The following NSMCE2 variants were observed in gnomAD, a reference collection of about 807,000 sequenced individuals.
NSMCE2 encodes NSE2 SUMO ligase component of SMC5/6 complex.
In NSMCE2, 24 loss-of-function variants were observed where a neutral mutation model predicts 23.8. That is an observed-to-expected ratio of 1.01 (90% CI 0.73 to 1.42). The LOEUF (loss-of-function observed/expected upper bound fraction) is 1.42, where lower values mean the gene tolerates loss of function less well. Among genes scored for constraint, NSMCE2 ranks in the 40% most tolerant of loss-of-function variants. NSMCE2 has a pLI of 0.00. For missense variants in NSMCE2, 284 were observed against 296.5 expected (o/e 0.96, Z 0.31); for synonymous variants, 92 against 94.1 (o/e 0.98, Z 0.13).
chr8:125,180,153 G>A (rs557633393), intron 4 of NSMCE2, among the ~76,000 whole-genome samples: 6 of 152,288 alleles, frequency 3.9e-5, no homozygotes, highest in African/African-American at 1.4e-4. Context: ...TAGAGGTAGA[G>A]GATAGCTAGT....
chr8:125,227,973 C>T (rs1825172489), intron 5 of NSMCE2, among the ~76,000 whole-genome samples: 1 of 151,918 alleles, frequency 6.6e-6, no homozygotes, highest in South Asian at 2.1e-4. Context: ...TGATTTATTC[C>T]TCTTTGAATC....
chr8:125,350,957 G>T (rs962154221), intron 5 of NSMCE2, among the ~76,000 whole-genome samples: 14 of 152,348 alleles, frequency 9.2e-5, no homozygotes, highest in Admixed American at 7.8e-4. Context: ...GCAGGCGGCA[G>T]TAGTGGTTTG....
rs557627373 is a variant in NSMCE2 at position 125,229,655 on chromosome 8, T to C, written c.418+47399T>C. On this transcript the variant is annotated intron_variant, in intron 5 of 7. Transcript: ENST00000287437. ...CTTATGTTCTAGATGAAATTCAGTC[T>C]TATTCTCAAAATAGAGTCTGGTTTC... Among the ~76,000 whole-genome samples, 214 of 152,332 alleles carry C rather than the reference T, an allele frequency of 1.4e-3. 1 individual carries two copies. The highest frequency in any genetic ancestry group is 5.0e-3 in the African/African-American group (209 of 41,590).
chr8:125,333,233 G>A (rs1486800897), intron 5 of NSMCE2, among the ~76,000 whole-genome samples: 1 of 151,576 alleles, frequency 6.6e-6, no homozygotes, highest in East Asian at 1.9e-4. Context: ...ACAGTGGCAC[G>A]ATCACGGCTC....
chr8:125,147,966 G>A (rs892218374), intron 3 of NSMCE2, among the ~76,000 whole-genome samples: 6 of 152,158 alleles, frequency 3.9e-5, no homozygotes, highest in Non-Finnish European at 5.9e-5. Flanking sequence ...AGTTCTCATC[G>A]TAGGTCTCTG....
At chr8:125,130,147 G>T in intron 3 of NSMCE2, 1 of 433,494 alleles carries the variant, frequency 2.3e-6, no homozygotes, top group Non-Finnish European at 4.7e-6. Flanking sequence ...CTGCTTAGGT[G>T]TTTTGTAGAA....
chr8:125,123,500 C>G (rs963094387), intron 3 of NSMCE2, among the ~76,000 whole-genome samples: 1 of 152,212 alleles, frequency 6.6e-6, no homozygotes, highest in Non-Finnish European at 1.5e-5. Flanking sequence ...AGCTAAAGCT[C>G]GAAGGGTTAA....
chr8:125,316,659 CTTCCTTCCTTCT>C (rs903780061), intron 5 of NSMCE2, among the ~76,000 whole-genome samples: 10 of 60,294 alleles, frequency 1.7e-4, no homozygotes, highest in Admixed American at 4.9e-4. Flanking sequence ...TCCTTCTTTC[CTTCCTTCCTTCT>C]TTCCTTCCTT....
intron 3 of NSMCE2, among the ~76,000 whole-genome samples, chr8:125,110,762 GTTT>G (rs1017002301): frequency 2.4e-5 from 1 of 41,826 alleles, no homozygotes; most frequent in African/African-American, 1.1e-4. Flanking sequence ...GGTTGTTGTT[GTTT>G]TTTTTTTTTT....
At chr8:125,316,615 T>G (rs561692928) in intron 5 of NSMCE2, among the ~76,000 whole-genome samples, 1 of 119,066 alleles carries the variant, frequency 8.4e-6, no homozygotes, top group Non-Finnish European at 2.0e-5. Context: ...TTTCCTTTCT[T>G]TATTTCCTTC....
chr8:125,346,671 G>A (rs574484809), intron 5 of NSMCE2, among the ~76,000 whole-genome samples: 76 of 152,210 alleles, frequency 5.0e-4, no homozygotes, highest in Non-Finnish European at 9.3e-4. Context: ...CTTATAAGAG[G>A]TATTAAATGC....
At chr8:125,304,332 A>G (rs1465967734) in intron 5 of NSMCE2, among the ~76,000 whole-genome samples, 1 of 152,162 alleles carries the variant, frequency 6.6e-6, no homozygotes, top group Non-Finnish European at 1.5e-5. Flanking sequence ...GTAGGTGAAG[A>G]TGTGTACTTT....
At chr8:125,215,805 A>G (rs1824555824) in intron 5 of NSMCE2, among the ~76,000 whole-genome samples, 1 of 152,190 alleles carries the variant, frequency 6.6e-6, no homozygotes, top group Admixed American at 6.5e-5. Flanking sequence ...ATCTCTATGT[A>G]TTTGACTATT....
At chr8:125,319,609 A>G (rs1282245437) in intron 5 of NSMCE2, among the ~76,000 whole-genome samples, 1 of 152,186 alleles carries the variant, frequency 6.6e-6, no homozygotes, top group Non-Finnish European at 1.5e-5. Context: ...AAATTTTTGA[A>G]AAGATAAAAC....
intron 5 of NSMCE2, among the ~76,000 whole-genome samples, chr8:125,240,764 A>G (rs1825737768): frequency 6.6e-6 from 1 of 152,190 alleles, no homozygotes; most frequent in Non-Finnish European, 1.5e-5. Flanking sequence ...TGTCTAATCA[A>G]GTAAACACCA....
At chr8:125,184,398 C>T (rs1393528744) in intron 5 of NSMCE2, among the ~76,000 whole-genome samples, 2 of 152,070 alleles carry the variant, frequency 1.3e-5, no homozygotes, top group Non-Finnish European at 2.9e-5. Flanking sequence ...AATGTTTCCT[C>T]AGGCCACCAG....
intron 5 of NSMCE2, among the ~76,000 whole-genome samples, chr8:125,243,420 A>T (rs907636461): frequency 6.6e-6 from 1 of 152,108 alleles, no homozygotes; most frequent in Non-Finnish European, 1.5e-5. Flanking sequence ...ATCCAAAAGG[A>T]TCTGTTCCAA....
intron 5 of NSMCE2, among the ~76,000 whole-genome samples, chr8:125,226,452 G>A (rs1563730519): frequency 2.0e-5 from 3 of 152,248 alleles, no homozygotes; most frequent in South Asian, 2.1e-4. Flanking sequence ...GACAGAAAGC[G>A]GAGAGGTGTA....
intron 3 of NSMCE2, among the ~76,000 whole-genome samples, chr8:125,110,760 T>C (rs13278971): frequency 7.2e-6 from 1 of 139,718 alleles, no homozygotes; most frequent in Admixed American, 7.0e-5. Context: ...TTGGTTGTTG[T>C]TGTTTTTTTT....
Sources: allele counts gnomAD v4.1 joint callset (sites outside exome capture counted in the v4.1 genomes callset), GRCh38; gene constraint gnomAD v4.1.1; transcripts MANE v1.5; gene names NCBI Gene and HGNC (gene_info 2026-07-23, HGNC 2026-07-21).